The following SHISA6 variants were observed in gnomAD, a reference collection of about 807,000 sequenced individuals.
SHISA6 encodes protein shisa-6.
In SHISA6, 22 loss-of-function variants were observed where a neutral mutation model predicts 47.9. The observed-to-expected ratio is 0.46, with a 90% CI of 0.33 to 0.66. SHISA6 has a LOEUF of 0.66. Ranked by LOEUF, SHISA6 falls within the 30% of genes least tolerant of loss-of-function variation. The probability of loss-of-function intolerance (pLI) is 0.02; values close to 1 mark genes in which losing one functional copy is unlikely to be tolerated. For synonymous variants in SHISA6, 388 were observed against 337.8 expected, an observed-to-expected ratio of 1.15 and a Z score of -1.63; for missense variants, 680 against 764.6, an observed-to-expected ratio of 0.89 and a Z score of 1.30.
intron 3 of SHISA6, among the ~76,000 whole-genome samples, chr17:11,400,989 C>T (rs1913752476): frequency 6.6e-6 from 1 of 152,152 alleles, no homozygotes; most frequent in African/African-American, 2.4e-5. Flanking sequence ...AGTCTTTAAA[C>T]TGTTTGTTGC....
At chr17:11,509,359 C>T (rs77425440) in intron 3 of SHISA6, among the ~76,000 whole-genome samples, 4 of 152,192 alleles carry the variant, frequency 2.6e-5, no homozygotes. Context: ...CCTCTATGCA[C>T]GCAGGGCTTT....
intron 3 of SHISA6, among the ~76,000 whole-genome samples, chr17:11,550,503 A>G (rs1336889460): frequency 6.6e-6 from 1 of 152,194 alleles, no homozygotes. Flanking sequence ...AAAAAGGTCT[A>G]TTATGGGCCT....
chr17:11,353,521 C>T (rs1344819991), intron 2 of SHISA6, among the ~76,000 whole-genome samples: 1 of 151,322 alleles, frequency 6.6e-6, no homozygotes, highest in Non-Finnish European at 1.5e-5. Flanking sequence ...AACTTCATAG[C>T]TTAAGCTACT....
intron 2 of SHISA6, among the ~76,000 whole-genome samples, chr17:11,265,094 A>G (rs1908377802): frequency 6.6e-6 from 1 of 152,238 alleles, no homozygotes; most frequent in Non-Finnish European, 1.5e-5. Flanking sequence ...ACCAGTGGTC[A>G]TCTACATGGC....
chr17:11,347,707 G>T (rs866072586), intron 2 of SHISA6, among the ~76,000 whole-genome samples: 46 of 152,284 alleles, frequency 3.0e-4, no homozygotes, highest in African/African-American at 1.1e-3. Context: ...AGCAGTGTGG[G>T]TAGGCACATG....
chr17:11,390,628 C>T (rs1008328911), intron 3 of SHISA6, among the ~76,000 whole-genome samples: 17 of 152,098 alleles, frequency 1.1e-4, no homozygotes, highest in Non-Finnish European at 2.9e-5. Flanking sequence ...TCAGTGAAGT[C>T]CCCTCAATGG....
chr17:11,506,273 G>C (rs1340615292), intron 3 of SHISA6, among the ~76,000 whole-genome samples: 2 of 151,916 alleles, frequency 1.3e-5, no homozygotes, highest in African/African-American at 4.8e-5. Context: ...GCCTCTTTCT[G>C]TCTCTCTTTA....
At chr17:11,289,867 G>A (rs981948155) in intron 2 of SHISA6, 3 of 151,878 alleles carry the variant, frequency 2.0e-5, no homozygotes, top group Admixed American at 2.0e-4. Context: ...TTAATTAGTT[G>A]ATAGAACCAG....
At chr17:11,306,698 A>G (rs1476711887) in intron 2 of SHISA6, among the ~76,000 whole-genome samples, 2 of 152,216 alleles carry the variant, frequency 1.3e-5, no homozygotes, top group African/African-American at 2.4e-5. Context: ...GGCCCAGTCC[A>G]GTCCTTCTTT....
intron 3 of SHISA6, among the ~76,000 whole-genome samples, chr17:11,428,465 T>G (rs916574990): frequency 3.3e-5 from 5 of 152,228 alleles, no homozygotes; most frequent in African/African-American, 9.6e-5. Context: ...AGGCTGAGCA[T>G]GAGGACTGGG....
At chr17:11,517,560 T>C (rs373386603) in intron 3 of SHISA6, among the ~76,000 whole-genome samples, 2 of 152,174 alleles carry the variant, frequency 1.3e-5, no homozygotes, top group East Asian at 1.9e-4. Flanking sequence ...TGGAGTGCAG[T>C]GGTACAGTCA....
At chr17:11,471,308 C>T (rs1915931660) in intron 3 of SHISA6, among the ~76,000 whole-genome samples, 1 of 152,000 alleles carries the variant, frequency 6.6e-6, no homozygotes, top group Admixed American at 6.6e-5. Context: ...ATGGGCAGGA[C>T]CTGCAGAAAT....
In SHISA6 at chr17:11,318,836, A is replaced by AT. The variant is rs1282128225; in HGVS notation, c.799+55318dup. On this transcript the variant is annotated intron_variant, in intron 2 of 5. Coordinates refer to ENST00000441885, the MANE Select transcript of SHISA6 (RefSeq NM_207386.4). ...GTCTTTATTATGTAAATGACTTTGGATTTTTTTTCATTCCGTCCTTTTCTG... is the reference window on the plus strand; with the variant it reads ...GTCTTTATTATGTAAATGACTTTGGATTTTTTTTTCATTCCGTCCTTTTCTG... Among the ~76,000 whole-genome samples, 14 of 151,906 alleles carry AT rather than the reference A, an allele frequency of 9.2e-5. No homozygotes were observed. The East Asian group carries it at 2.7e-3, about 30-fold the overall frequency.
chr17:11,549,231 A>C (rs938844392), intron 3 of SHISA6, among the ~76,000 whole-genome samples: 2 of 152,196 alleles, frequency 1.3e-5, no homozygotes, highest in Non-Finnish European at 2.9e-5. Context: ...GAAGGTAATA[A>C]AAGGAAATAC....
intron 3 of SHISA6, among the ~76,000 whole-genome samples, chr17:11,473,736 A>AT (rs1915982063): frequency 6.6e-6 from 1 of 151,802 alleles, no homozygotes; most frequent in Admixed American, 6.6e-5. Context: ...TTCTTCCCCC[A>AT]TTTTCTCCTT....
At chr17:11,481,631 T>A (rs533613571) in intron 3 of SHISA6, among the ~76,000 whole-genome samples, 1 of 151,774 alleles carries the variant, frequency 6.6e-6, no homozygotes, top group Non-Finnish European at 1.5e-5. Flanking sequence ...TAGCTGGGAC[T>A]ACAGGCGCAC....
intron 2 of SHISA6, among the ~76,000 whole-genome samples, chr17:11,287,293 GGAA>G (rs1909341904): frequency 4.7e-5 from 7 of 148,758 alleles, no homozygotes; most frequent in African/African-American, 1.3e-4. Context: ...AGGAAAGGAA[GGAA>G]GGAAGGAAGG....
At chr17:11,457,881 T>G (rs1030853616) in intron 3 of SHISA6, among the ~76,000 whole-genome samples, 1 of 151,856 alleles carries the variant, frequency 6.6e-6, no homozygotes, top group African/African-American at 2.4e-5. Context: ...GTCAGGAGAT[T>G]GAGACCATCC....
chr17:11,350,183 T>TTTTA (rs1555529938), intron 2 of SHISA6, among the ~76,000 whole-genome samples: 5 of 81,738 alleles, frequency 6.1e-5, no homozygotes, highest in Admixed American at 1.4e-4. Flanking sequence ...TATTTATTTA[T>TTTTA]TTTTTTTTTT....
Sources: allele counts gnomAD v4.1 joint callset (sites outside exome capture counted in the v4.1 genomes callset), GRCh38; gene constraint gnomAD v4.1.1; transcripts MANE v1.5; gene names NCBI Gene and HGNC (gene_info 2026-07-23, HGNC 2026-07-21).